ADRA1B: variants seen among roughly 807,000 people sequenced by gnomAD.
ADRA1B encodes the protein alpha-1B adrenergic receptor.
In ADRA1B, 17 loss-of-function variants were observed where a neutral mutation model predicts 17.9. That is an observed-to-expected ratio of 0.95 (90% CI 0.65 to 1.42). The LOEUF (loss-of-function observed/expected upper bound fraction) is 1.42, where lower values mean the gene tolerates loss of function less well. ADRA1B is among the 40% of genes most tolerant of loss of function. ADRA1B has a pLI of 0.00. For synonymous variants in ADRA1B, 366 were observed against 327.6 expected (o/e 1.12, Z -1.27); for missense variants, 681 against 722.1 (o/e 0.94, Z 0.65).
At chr5:159,931,191 AC>A (rs1754793189) in intron 1 of ADRA1B, among the ~76,000 whole-genome samples, 1 of 146,852 alleles carries the variant, frequency 6.8e-6, no homozygotes, top group Non-Finnish European at 1.5e-5. Flanking sequence ...GGAGTTCGAG[AC>A]CAATCTGGGC....
At chr5:159,878,685 C>T (rs1474814991) in intron 1 of ADRA1B, among the ~76,000 whole-genome samples, 3 of 152,094 alleles carry the variant, frequency 2.0e-5, no homozygotes, top group Non-Finnish European at 4.4e-5. Context: ...ATTAGGTGAC[C>T]TGTGCAAGGT....
chr5:159,951,656 G>A (rs1288287099), intron 1 of ADRA1B, among the ~76,000 whole-genome samples: 1 of 152,142 alleles, frequency 6.6e-6, no homozygotes, highest in African/African-American at 2.4e-5. Context: ...TCCTCGGGCC[G>A]GAACCTGAGC....
chr5:159,887,685 A>G (rs926696848), intron 1 of ADRA1B, among the ~76,000 whole-genome samples: 2 of 152,246 alleles, frequency 1.3e-5, no homozygotes, highest in African/African-American at 2.4e-5. Flanking sequence ...TTCGGTTTAC[A>G]TGAAGCTATT....
intron 1 of ADRA1B, among the ~76,000 whole-genome samples, chr5:159,871,765 T>C (rs930435533): frequency 6.6e-6 from 1 of 152,202 alleles, no homozygotes; most frequent in Non-Finnish European, 1.5e-5. Flanking sequence ...ATACAAAGTC[T>C]AAGAAAGAGA....
intron 1 of ADRA1B, among the ~76,000 whole-genome samples, chr5:159,941,240 G>C (rs1755117676): frequency 6.6e-6 from 1 of 152,208 alleles, no homozygotes; most frequent in Non-Finnish European, 1.5e-5. Flanking sequence ...AGCTACGTGT[G>C]GCTAGTGACT....
At chr5:159,955,596 G>A (rs1755538222) in intron 1 of ADRA1B, among the ~76,000 whole-genome samples, 1 of 152,162 alleles carries the variant, frequency 6.6e-6, no homozygotes, top group African/African-American at 2.4e-5. Context: ...CTCTCTGCCA[G>A]CCAGCAGGTT....
chr5:159,972,656 C>A lies in ADRA1B; in HGVS notation c.*164C>A. The A allele has an allele frequency of 1.2e-6, 1 of 837,436 alleles. No individual in the cohort carries two copies. Among genetic ancestry groups the A allele is most frequent in the South Asian group, 2.3e-5 (1 of 43,510 alleles). The allele number at this position is 837,436 out of a possible 1,614,324, so 51.9% of individuals were successfully genotyped here. ...GGGGCAGCTGCTTTTCTGGCAGGGGCATGGGTGCCAGGTACCACGCGGAAA... is the reference window on the plus strand; with the variant it reads ...GGGGCAGCTGCTTTTCTGGCAGGGGAATGGGTGCCAGGTACCACGCGGAAA... On this transcript the variant is annotated 3_prime_UTR_variant, in exon 2 of 2. Transcript: ENST00000306675.
intron 1 of ADRA1B, among the ~76,000 whole-genome samples, chr5:159,882,209 C>T (rs1026989718): frequency 2.6e-5 from 4 of 152,060 alleles, no homozygotes; most frequent in South Asian, 2.1e-4. Flanking sequence ...CTAGAAAGTC[C>T]CTTACAGATC....
At position 159,941,986 on chromosome 5, in the gene ADRA1B, G is replaced by A. The variant is rs559983467; in HGVS notation, c.949+24132G>A. Among the ~76,000 whole-genome samples, 14 of 148,304 alleles carry A rather than the reference G, an allele frequency of 9.4e-5. No individual in the cohort carries two copies. The East Asian group carries it at 1.0e-3, about 11-fold the overall frequency. ...CACCCAGGCTAGAGTGCAGTGGCGC[G>A]ATCTTGGCTCACTGCAAGCTCCAAC... On this transcript the variant is annotated intron_variant, in intron 1 of 1. Coordinates refer to ENST00000306675, the MANE Select transcript of ADRA1B (RefSeq NM_000679.4).
chr5:159,978,504 C>G, the ADRA1B span, among the ~76,000 whole-genome samples: 1 of 152,200 alleles, frequency 6.6e-6, no homozygotes, highest in African/African-American at 2.4e-5. Context: ...GAAGGCCTGC[C>G]GTCTGATTCT....
At chr5:159,877,002 G>T (rs1373152204) in intron 1 of ADRA1B, among the ~76,000 whole-genome samples, 1 of 152,140 alleles carries the variant, frequency 6.6e-6, no homozygotes, top group African/African-American at 2.4e-5. Flanking sequence ...CCTAAGGGGT[G>T]CACAAAAAGG....
intron 1 of ADRA1B, among the ~76,000 whole-genome samples, chr5:159,930,938 AAAG>A (rs1174613360): frequency 6.7e-6 from 1 of 149,334 alleles, no homozygotes; most frequent in East Asian, 1.9e-4. Context: ...AATGGCCAAA[AAAG>A]AAGATTGTTG....
intron 1 of ADRA1B, among the ~76,000 whole-genome samples, chr5:159,964,184 T>C (rs1250576544): frequency 6.6e-6 from 1 of 152,330 alleles, no homozygotes; most frequent in East Asian, 1.9e-4. Context: ...CAGCACCTAC[T>C]ACGTGTGCCA....
chr5:159,899,857 A>G (rs1015125058), intron 1 of ADRA1B, among the ~76,000 whole-genome samples: 1 of 152,228 alleles, frequency 6.6e-6, no homozygotes, highest in African/African-American at 2.4e-5. Flanking sequence ...TCTGTTTTAT[A>G]GCCTGTGAAA....
intron 1 of ADRA1B, chr5:159,948,277 T>G (rs991258113): frequency 3.3e-5 from 33 of 985,350 alleles, no homozygotes; most frequent in Admixed American, 6.2e-5. Context: ...CTGGACCTTT[T>G]CACACATGCT....
the ADRA1B span, among the ~76,000 whole-genome samples, chr5:159,983,722 G>A: frequency 1.3e-5 from 2 of 152,064 alleles, no homozygotes; most frequent in East Asian, 1.9e-4. Flanking sequence ...TGCAAGAAGT[G>A]GAATTTTGCA....
In ADRA1B at chr5:159,917,446, CT is replaced by C; in HGVS notation, c.542del (p.Leu181ProfsTer40). The C allele has an allele frequency of 6.2e-7, 1 of 1,614,200 alleles. No homozygotes were observed. The highest frequency in any genetic ancestry group is 2.2e-5 in the East Asian group (1 of 44,874). On this transcript the variant is annotated frameshift_variant, in exon 1 of 2. Transcript: ENST00000306675. LOFTEE classifies it high-confidence loss of function. ...VLSTVISIGPLLGWKEPAPND... is the reference protein window; with the variant it reads ...VLSTVISIGPXLGWKEPAPND... ...GTCCACCGTCATCTCCATCGGGCCT[CT>C]CCTTGGGTGGAAGGAGCCGGCACCC... is the stretch of plus-strand genomic sequence containing the variant.
chr5:159,880,802 G>A (rs997964286), intron 1 of ADRA1B, among the ~76,000 whole-genome samples: 1 of 152,142 alleles, frequency 6.6e-6, no homozygotes, highest in Middle Eastern at 3.4e-3. Flanking sequence ...TCCTTACCCA[G>A]CCAGGCCATT....
intron 1 of ADRA1B, among the ~76,000 whole-genome samples, chr5:159,944,398 G>C (rs1317638583): frequency 2.6e-5 from 4 of 152,196 alleles, no homozygotes; most frequent in Admixed American, 1.3e-4. Flanking sequence ...TTTAAAGAAT[G>C]ATCTGAAGTA....
Sources: allele counts gnomAD v4.1 joint callset (sites outside exome capture counted in the v4.1 genomes callset), GRCh38; gene constraint gnomAD v4.1.1; transcripts MANE v1.5; gene names NCBI Gene and HGNC (gene_info 2026-07-23, HGNC 2026-07-21).